PIP5K1C: variants seen among roughly 807,000 people sequenced by gnomAD.
PIP5K1C encodes phosphatidylinositol-4-phosphate 5-kinase type 1 gamma.
A neutral mutation model predicts 80.1 loss-of-function variants in PIP5K1C; 45 were observed. The ratio of observed to expected loss-of-function variants is 0.56; its 90% confidence interval spans 0.44 to 0.72. PIP5K1C has a LOEUF of 0.72. PIP5K1C is among the 30% of genes least tolerant of loss of function. The pLI is 0.00. For missense variants in PIP5K1C, 753 were observed against 954.6 expected, an observed-to-expected ratio of 0.79 and a Z score of 2.78; for synonymous variants, 498 against 420.1, an observed-to-expected ratio of 1.19 and a Z score of -2.27.
chr19:3,646,573 C>T (rs1448248033), intron 10 of PIP5K1C, among the ~76,000 whole-genome samples: 1 of 152,186 alleles, frequency 6.6e-6, no homozygotes, highest in African/African-American at 2.4e-5. Flanking sequence ...CAGGGACATG[C>T]GGCGGCAGCA....
At chr19:3,645,835 G>A (rs1239149383) in intron 11 of PIP5K1C, 139 bp downstream of exon 11, 20 of 765,472 alleles carry the variant, frequency 2.6e-5, no homozygotes, top group South Asian at 8.2e-5. Context: ...GATGAGGCCC[G>A]GTCTGAGGGG....
intron 8 of PIP5K1C, among the ~76,000 whole-genome samples, chr19:3,651,576 A>C (rs981378248): frequency 1.3e-5 from 2 of 152,212 alleles, no homozygotes; most frequent in African/African-American, 4.8e-5. Flanking sequence ...GCCTCGGCCC[A>C]GTCACGGGTG....
intron 6 of PIP5K1C, among the ~76,000 whole-genome samples, chr19:3,654,461 C>T (rs1334321017): frequency 2.0e-5 from 3 of 152,176 alleles, no homozygotes; most frequent in Non-Finnish European, 4.4e-5. Flanking sequence ...GCCCCTGGGC[C>T]GAATCCGGCC....
intron 2 of PIP5K1C, among the ~76,000 whole-genome samples, chr19:3,666,714 T>C (rs1188204070): frequency 1.6e-5 from 2 of 128,042 alleles, no homozygotes; most frequent in African/African-American, 6.2e-5. Flanking sequence ...CAAGCAAAAA[T>C]AGATGCACAC....
chr19:3,693,160 A>C (rs950631093), intron 1 of PIP5K1C, among the ~76,000 whole-genome samples: 2 of 152,124 alleles, frequency 1.3e-5, no homozygotes, highest in Non-Finnish European at 2.9e-5. Flanking sequence ...ACCCGGCCAC[A>C]GCACACGCAG....
chr19:3,684,270 G>A (rs1029736618), intron 1 of PIP5K1C, among the ~76,000 whole-genome samples: 7 of 152,186 alleles, frequency 4.6e-5, no homozygotes, highest in South Asian at 2.1e-4. Flanking sequence ...GCTCATTGCC[G>A]CCCCCTCACC....
rs374595140 is a variant in PIP5K1C, at chr19:3,664,620, G to A, written c.219+202C>T. 1.9e-4 allele frequency among the ~76,000 whole-genome samples: 29 copies of A among 152,314 alleles called. 1 individual carries two copies. In the East Asian group the frequency reaches 4.6e-3, roughly 24 times the overall value. Reference sequence around the variant, plus strand: ...GGCTGAGCCACAGAACATGCTGCCCGGCCGCCCGGCAAGGACAGCAAACAG... The same window carrying A: ...GGCTGAGCCACAGAACATGCTGCCCAGCCGCCCGGCAAGGACAGCAAACAG... On this transcript the variant is annotated intron_variant, in intron 3 of 17. Transcript: ENST00000335312.
chr19:3,648,581 G>A lies in PIP5K1C; in HGVS notation c.1211+44C>T. The A allele has an allele frequency of 6.4e-7, 1 of 1,555,948 alleles. No individual in the cohort carries two copies. Among genetic ancestry groups the A allele is most frequent in the Non-Finnish European group, 8.8e-7 (1 of 1,130,004 alleles). On this transcript the variant is annotated intron_variant, in intron 9 of 17. Transcript: ENST00000335312. The surrounding 1 kb of genome is among the most constrained non-coding windows in gnomAD (Gnocchi z 4.3). ...CCGGGCGCCCACCTGTGGGACTGCAGACCCGGGGCGTCCACCTGTAGGACT... is the reference window on the plus strand; with the variant it reads ...CCGGGCGCCCACCTGTGGGACTGCAAACCCGGGGCGTCCACCTGTAGGACT...
intron 16 of PIP5K1C, among the ~76,000 whole-genome samples, chr19:3,634,405 G>A (rs928597873): frequency 7.3e-5 from 11 of 151,696 alleles, no homozygotes; most frequent in African/African-American, 2.7e-4. Context: ...TCGGGCCTCT[G>A]TCACCAACCC....
chr19:3,653,479 G>A lies in PIP5K1C; in HGVS notation c.732C>T (p.Arg244=), dbSNP rs190312515. 8.7e-6 allele frequency: 14 copies of A among 1,613,846 alleles called. No individual in the cohort carries two copies. Among genetic ancestry groups the A allele is most frequent in the African/African-American group, 2.7e-5 (2 of 75,050 alleles). ...CGAACTTGAGGTGCATCTTGACCAC[G>A]CGGGGCAGGATGTTGTTCATGACCA... is the stretch of plus-strand genomic sequence containing the variant. ...RVVVMNNILP[R]VVKMHLKFDL... Residue 244 remains arginine (R), a synonymous_variant, in exon 7 of 18, where the codon CGC becomes CGT. Transcript: ENST00000335312.
At chr19:3,663,113 G>A (rs749415820) in intron 3 of PIP5K1C, among the ~76,000 whole-genome samples, 12 of 152,180 alleles carry the variant, frequency 7.9e-5, no homozygotes, top group South Asian at 2.1e-4. Flanking sequence ...TGATCCTCCC[G>A]CCTCGGCCTC....
intron 1 of PIP5K1C, among the ~76,000 whole-genome samples, chr19:3,678,715 G>A (rs952368111): frequency 7.4e-6 from 1 of 135,716 alleles, no homozygotes; most frequent in Non-Finnish European, 1.6e-5. Context: ...GGGAGGGATG[G>A]AGGGATGGCG....
At chr19:3,655,969 C>G (rs2034613059) in intron 6 of PIP5K1C, among the ~76,000 whole-genome samples, 1 of 152,234 alleles carries the variant, frequency 6.6e-6, no homozygotes, top group South Asian at 2.1e-4. Flanking sequence ...GCCTGAGCAG[C>G]TGGTCTTTTG....
At chr19:3,650,860 G>A (rs901302271) in intron 8 of PIP5K1C, among the ~76,000 whole-genome samples, 6 of 151,964 alleles carry the variant, frequency 3.9e-5, no homozygotes, top group African/African-American at 9.7e-5. Flanking sequence ...GGGTTCAAGC[G>A]ATTCTCCTGC....
At chr19:3,657,748 A>C (rs1188428659) in intron 5 of PIP5K1C, among the ~76,000 whole-genome samples, 3 of 144,928 alleles carry the variant, frequency 2.1e-5, no homozygotes, top group Non-Finnish European at 3.0e-5. Context: ...CAACAGAGCG[A>C]GGCCTCATCT....
chr19:3,653,910 T>A (rs1864348512), intron 6 of PIP5K1C, among the ~76,000 whole-genome samples: 1 of 152,184 alleles, frequency 6.6e-6, no homozygotes, highest in Non-Finnish European at 1.5e-5. Context: ...GGCTCGCCTG[T>A]TGGGAGGTCT....
intron 1 of PIP5K1C, among the ~76,000 whole-genome samples, chr19:3,689,045 A>C (rs1450047189): frequency 6.6e-6 from 1 of 151,796 alleles, no homozygotes; most frequent in African/African-American, 2.4e-5. Flanking sequence ...TTTTCTTAGG[A>C]TCTCACTCTG....
chr19:3,677,451 C>T (rs2035394598), intron 1 of PIP5K1C, among the ~76,000 whole-genome samples: 1 of 151,538 alleles, frequency 6.6e-6, no homozygotes, highest in Admixed American at 6.6e-5. Flanking sequence ...GGTGTGGTGG[C>T]CAGTGCCTGT....
chr19:3,694,180 C>A (rs2036031758), intron 1 of PIP5K1C, among the ~76,000 whole-genome samples: 1 of 150,608 alleles, frequency 6.6e-6, no homozygotes, highest in Non-Finnish European at 1.5e-5. Context: ...CCACTGCACT[C>A]CAGCCCGGGC....
Sources: allele counts gnomAD v4.1 joint callset (sites outside exome capture counted in the v4.1 genomes callset), GRCh38; gene constraint gnomAD v4.1.1; non-coding constraint Gnocchi (gnomAD v3.1); transcripts MANE v1.5; gene names NCBI Gene and HGNC (gene_info 2026-07-23, HGNC 2026-07-21).